The following TBC1D15 variants were observed in gnomAD, a reference collection of about 807,000 sequenced individuals.
The protein encoded by TBC1D15 is GAP for RAB7.
A neutral mutation model predicts 95.4 loss-of-function variants in TBC1D15; 39 were observed. The observed-to-expected ratio is 0.41, with a 90% CI of 0.32 to 0.53. TBC1D15 has a LOEUF of 0.53. Among genes scored for constraint, TBC1D15 ranks in the 20% least tolerant of loss-of-function variants. The pLI is 0.29. For missense variants in TBC1D15, 733 were observed against 794.3 expected (o/e 0.92, Z 0.93); for synonymous variants, 258 against 261.3 (o/e 0.99, Z 0.12).
chr12:71,845,289 A>G (rs867834176), intron 1 of TBC1D15, among the ~76,000 whole-genome samples: 1 of 152,218 alleles, frequency 6.6e-6, no homozygotes, highest in Non-Finnish European at 1.5e-5. Context: ...GGCAGTGGTT[A>G]TACATTATGC....
At chr12:71,848,206 G>A (rs1165475069) in intron 1 of TBC1D15, among the ~76,000 whole-genome samples, 2 of 152,164 alleles carry the variant, frequency 1.3e-5, no homozygotes, top group Non-Finnish European at 2.9e-5. Context: ...TGGATACCTG[G>A]GAATGGGGTG....
In TBC1D15 at chr12:71,883,571, A is replaced by G. The variant is rs372020955; in HGVS notation, c.344-1240A>G. ...GTGAGTTCAAGAGATCTTATTAGAG[A>G]TGATTGCAGATAGGACGGTGATACA... is the stretch of plus-strand genomic sequence containing the variant. On this transcript the variant is annotated intron_variant, in intron 4 of 16. Coordinates refer to ENST00000485960, the MANE Select transcript of TBC1D15 (RefSeq NM_001146213.3). 4.6e-5 allele frequency among the ~76,000 whole-genome samples: 7 copies of G among 152,248 alleles called. No individual in the cohort carries two copies. In the East Asian group the frequency reaches 1.4e-3, roughly 29 times the overall value.
chr12:71,844,691 T>C (rs371178931), intron 1 of TBC1D15, among the ~76,000 whole-genome samples: 4 of 152,312 alleles, frequency 2.6e-5, no homozygotes, highest in African/African-American at 7.2e-5. Flanking sequence ...ATCTTACTTA[T>C]TTACACCTAG....
chr12:71,852,647 C>G (rs1370697140), intron 1 of TBC1D15, among the ~76,000 whole-genome samples: 1 of 152,310 alleles, frequency 6.6e-6, no homozygotes. Flanking sequence ...GAAATTTCTT[C>G]CACTGGATAC....
At position 71,894,708 on chromosome 12, in the gene TBC1D15, C is replaced by T. The variant is rs780162872; in HGVS notation, c.680C>T (p.Thr227Met). 43 of 1,612,656 alleles carry T rather than the reference C, an allele frequency of 2.7e-5. No homozygotes were observed. Among genetic ancestry groups the T allele is most frequent in the South Asian group, 8.8e-5 (8 of 91,044 alleles). ...TAGAAAATTAAAAAGGACCCTTATA[C>T]GGCAACTATGATAGGATTTTCCAAA... Reference protein sequence around the residue: ...LIQKIKKDPYTATMIGFSKVT... With the variant: ...LIQKIKKDPYMATMIGFSKVT... The change falls in exon 7 of 17, where the codon ACG becomes ATG. Residue 227 changes from threonine to methionine, a missense_variant. Transcript: ENST00000485960.
At chr12:71,873,957 A>G (rs943144387) in intron 3 of TBC1D15, among the ~76,000 whole-genome samples, 8 of 152,170 alleles carry the variant, frequency 5.3e-5, no homozygotes, top group African/African-American at 1.9e-4. Flanking sequence ...AGCCTCAGAC[A>G]TTCCTTGGTT....
At chr12:71,887,627 G>A (rs1021691979) in intron 5 of TBC1D15, among the ~76,000 whole-genome samples, 27 of 152,016 alleles carry the variant, frequency 1.8e-4, no homozygotes, top group Admixed American at 1.8e-3. Flanking sequence ...TGATCCCTGA[G>A]GTCTCCATTT....
chr12:71,899,830 C>T (rs960668218), intron 10 of TBC1D15, among the ~76,000 whole-genome samples: 1 of 152,074 alleles, frequency 6.6e-6, no homozygotes, highest in South Asian at 2.1e-4. Flanking sequence ...CATGGTGGCT[C>T]ACACCTGTAA....
At chr12:71,908,733 C>G (rs1383786562) in intron 11 of TBC1D15, among the ~76,000 whole-genome samples, 1 of 152,180 alleles carries the variant, frequency 6.6e-6, no homozygotes, top group Non-Finnish European at 1.5e-5. Context: ...TTTCAGGTTA[C>G]AGAGTGCTTT....
intron 3 of TBC1D15, among the ~76,000 whole-genome samples, chr12:71,873,855 G>A (rs1203774369): frequency 6.6e-6 from 1 of 152,160 alleles, no homozygotes; most frequent in Non-Finnish European, 1.5e-5. Context: ...CTCAGTTCTG[G>A]AGACTAGAAG....
chr12:71,867,654 A>G (rs1430832751), intron 1 of TBC1D15, among the ~76,000 whole-genome samples: 2 of 152,198 alleles, frequency 1.3e-5, no homozygotes, highest in African/African-American at 2.4e-5. Flanking sequence ...AAAACAAAAA[A>G]TCATTTATTT....
intron 9 of TBC1D15, 68 bp from the exon 10 acceptor site, chr12:71,897,779 C>T (rs1403255043): frequency 1.7e-6 from 2 of 1,169,410 alleles, no homozygotes; most frequent in South Asian, 1.3e-5. Flanking sequence ...TATAGAAAAA[C>T]CCAATTAAAC....
intron 10 of TBC1D15, among the ~76,000 whole-genome samples, chr12:71,901,714 C>T (rs1412774356): frequency 6.6e-6 from 1 of 151,944 alleles, no homozygotes; most frequent in African/African-American, 2.4e-5. Flanking sequence ...ACAAGGATAC[C>T]CACTCTGACA....
At chr12:71,886,909 G>T (rs1304068386) in intron 5 of TBC1D15, among the ~76,000 whole-genome samples, 1 of 152,150 alleles carries the variant, frequency 6.6e-6, no homozygotes, top group East Asian at 1.9e-4. Context: ...TCACAAATGA[G>T]ATCATTTGGT....
chr12:71,871,338 A>G (rs1391387183), intron 1 of TBC1D15, among the ~76,000 whole-genome samples: 2 of 151,846 alleles, frequency 1.3e-5, no homozygotes, highest in Admixed American at 6.6e-5. Flanking sequence ...CTCCATCACT[A>G]CTCTGTTTAT....
At chr12:71,863,381 AAAAAG>A (rs151310153) in intron 1 of TBC1D15, among the ~76,000 whole-genome samples, 5,158 of 152,118 alleles carry the variant, frequency 0.034, 293 homozygotes, top group African/African-American at 0.12. Context: ...CTGTCTCAAA[AAAAAG>A]AAAAGAAAAG....
chr12:71,895,987 C>T lies in TBC1D15; in HGVS notation c.896C>T (p.Pro299Leu), dbSNP rs1429313940. The change falls in exon 8 of 17, where the codon CCG becomes CTG. Residue 299 changes from proline to leucine, a missense_variant. Pro to Leu is a moderately conservative substitution (Grantham distance 98). Coordinates refer to ENST00000485960, the MANE Select transcript of TBC1D15 (RefSeq NM_001146213.3). Reference sequence around the variant, plus strand: ...CGCCCTGTTGTTCAAAGGAGAGAACCGGTATCACTGGAAGAATGGACTAAG... The same window carrying T: ...CGCCCTGTTGTTCAAAGGAGAGAACTGGTATCACTGGAAGAATGGACTAAG... ...GERPVVQRRE[P>L]VSLEEWTKNI... 7 of 1,612,116 alleles carry T rather than the reference C, an allele frequency of 4.3e-6. No homozygotes were observed. Among genetic ancestry groups the T allele is most frequent in the South Asian group, 1.1e-5 (1 of 90,984 alleles).
chr12:71,904,532 A>T (rs1196988161), intron 10 of TBC1D15, among the ~76,000 whole-genome samples: 1 of 152,180 alleles, frequency 6.6e-6, no homozygotes, highest in Non-Finnish European at 1.5e-5. Flanking sequence ...AAAACTGGTA[A>T]AACTGAAGAG....
At chr12:71,908,378 G>T (rs974848301) in intron 11 of TBC1D15, among the ~76,000 whole-genome samples, 3 of 152,084 alleles carry the variant, frequency 2.0e-5, no homozygotes, top group Non-Finnish European at 4.4e-5. Flanking sequence ...TATGTGAGTG[G>T]CTTCTAGCTA....
Sources: gnomAD v4.1 joint callset for allele counts (sites outside exome capture counted in the v4.1 genomes callset) on GRCh38, gnomAD v4.1.1 for gene constraint, MANE v1.5 for transcripts, NCBI Gene and HGNC (gene_info 2026-07-23, HGNC 2026-07-21) for gene names.